SPECC1: variants seen among roughly 807,000 people sequenced by gnomAD.
The protein encoded by SPECC1 is cytospin-B.
SPECC1 carries 62 observed loss-of-function variants against 104.1 expected under a neutral mutation model. That is an observed-to-expected ratio of 0.60 (90% CI 0.49 to 0.74). The LOEUF (loss-of-function observed/expected upper bound fraction) is 0.74, where lower values mean the gene tolerates loss of function less well. SPECC1 is among the 30% of genes least tolerant of loss of function. The pLI is 0.00. For missense variants in SPECC1, 1,306 were observed against 1,310.5 expected (o/e 1.00, Z 0.05); for synonymous variants, 513 against 501.6 (o/e 1.02, Z -0.30).
At chr17:20,198,171 T>G (rs2036162616) in intron 3 of SPECC1, among the ~76,000 whole-genome samples, 1 of 152,212 alleles carries the variant, frequency 6.6e-6, no homozygotes, top group African/African-American at 2.4e-5. Context: ...CATTAGCCAC[T>G]CTGCTTAACA....
chr17:20,018,303 T>G (rs1309467495), intron 1 of SPECC1, among the ~76,000 whole-genome samples: 1 of 152,236 alleles, frequency 6.6e-6, no homozygotes, highest in Non-Finnish European at 1.5e-5. Flanking sequence ...TCGGCACTCT[T>G]GTTTTCCAGG....
At chr17:20,023,523 A>C (rs7218708) in intron 1 of SPECC1, among the ~76,000 whole-genome samples, 1 of 151,848 alleles carries the variant, frequency 6.6e-6, no homozygotes, top group Non-Finnish European at 1.5e-5. Context: ...ACAATTGGGC[A>C]GCAGGGGTTG....
chr17:20,105,760 T>G (rs910741160), intron 2 of SPECC1, among the ~76,000 whole-genome samples: 6 of 152,202 alleles, frequency 3.9e-5, no homozygotes, highest in Non-Finnish European at 7.3e-5. Context: ...TGCGCACTGC[T>G]GTCTTGTGTT....
intron 9 of SPECC1, among the ~76,000 whole-genome samples, chr17:20,248,484 A>C (rs2039506770): frequency 6.6e-6 from 1 of 152,226 alleles, no homozygotes; most frequent in Non-Finnish European, 1.5e-5. Flanking sequence ...CAGCATGTCG[A>C]AAAACTTGAT....
intron 5 of SPECC1, among the ~76,000 whole-genome samples, chr17:20,228,717 G>A (rs756028801): frequency 6.6e-6 from 1 of 152,214 alleles, no homozygotes; most frequent in Non-Finnish European, 1.5e-5. Flanking sequence ...AGTTGCTGAA[G>A]AGACATCAGC....
In SPECC1 at chr17:20,288,045, C is replaced by T. The variant is rs947872423; in HGVS notation, c.2941-8916C>T. On this transcript the variant is annotated intron_variant, in intron 12 of 14. Coordinates refer to ENST00000395527, the MANE Select transcript of SPECC1 (RefSeq NM_001243439.2). ...CCTTCCACTTATAAATGAGAACATA[C>T]TTTGTTTGGTTTTCTGTTTCTGTAC... 4.0e-5 allele frequency among the ~76,000 whole-genome samples: 6 copies of T among 150,314 alleles called. No individual in the cohort carries two copies. The Admixed American group carries it at 4.0e-4, about 10-fold the overall frequency.
At chr17:20,231,501 G>T (rs2038578166) in intron 5 of SPECC1, among the ~76,000 whole-genome samples, 1 of 152,166 alleles carries the variant, frequency 6.6e-6, no homozygotes, top group Non-Finnish European at 1.5e-5. Flanking sequence ...TGTGCATTCT[G>T]TCTGCTGAGA....
chr17:20,280,051 G>A (rs2040713663), intron 12 of SPECC1, among the ~76,000 whole-genome samples: 1 of 152,158 alleles, frequency 6.6e-6, no homozygotes, highest in African/African-American at 2.4e-5. Context: ...GGGCAATTTG[G>A]CAGAATCCAT....
At chr17:20,021,767 A>C (rs1219569441) in intron 1 of SPECC1, among the ~76,000 whole-genome samples, 1 of 146,166 alleles carries the variant, frequency 6.8e-6, no homozygotes, top group Non-Finnish European at 1.5e-5. Flanking sequence ...TGATCTCTTG[A>C]CCTCATGATC....
At chr17:20,146,360 G>A (rs577893584) in intron 3 of SPECC1, among the ~76,000 whole-genome samples, 1 of 152,292 alleles carries the variant, frequency 6.6e-6, no homozygotes, top group South Asian at 2.1e-4. Flanking sequence ...TGCATTTAAG[G>A]TTCCTCCATG....
intron 3 of SPECC1, among the ~76,000 whole-genome samples, chr17:20,131,261 G>T (rs7223984): frequency 6.6e-6 from 1 of 151,850 alleles, no homozygotes; most frequent in South Asian, 2.1e-4. Flanking sequence ...GCATGATCTC[G>T]GCTCACTGCA....
intron 12 of SPECC1, among the ~76,000 whole-genome samples, chr17:20,292,370 A>C: frequency 6.6e-6 from 1 of 151,106 alleles, no homozygotes; most frequent in Non-Finnish European, 1.5e-5. Context: ...TAATCTCTGC[A>C]CCCCAGCTGG....
At chr17:20,198,262 C>T (rs1379630724) in intron 3 of SPECC1, among the ~76,000 whole-genome samples, 1 of 152,118 alleles carries the variant, frequency 6.6e-6, no homozygotes, top group East Asian at 1.9e-4. Flanking sequence ...CTTACGTGGC[C>T]TCTGGGCAAG....
chr17:20,141,455 T>G (rs1485565738), intron 3 of SPECC1, among the ~76,000 whole-genome samples: 1 of 152,206 alleles, frequency 6.6e-6, no homozygotes, highest in East Asian at 1.9e-4. Flanking sequence ...GCTAACTGAT[T>G]CAGAGCGAGG....
intron 6 of SPECC1, 127 bp downstream of exon 6, chr17:20,231,958 A>T (rs2038609202): frequency 9.5e-7 from 1 of 1,048,668 alleles, no homozygotes; most frequent in East Asian, 2.4e-5. Context: ...TGGAACTGTA[A>T]ATTCTTGTTG....
At chr17:20,085,149 G>T (rs1431087814) in intron 1 of SPECC1, among the ~76,000 whole-genome samples, 1 of 152,226 alleles carries the variant, frequency 6.6e-6, no homozygotes, top group African/African-American at 2.4e-5. Context: ...CATTTGCTGT[G>T]CCTGGGGTCA....
intron 2 of SPECC1, among the ~76,000 whole-genome samples, chr17:20,103,752 C>T (rs528964736): frequency 4.6e-5 from 7 of 152,296 alleles, no homozygotes; most frequent in African/African-American, 1.4e-4. Context: ...CCGCATCCCC[C>T]GTCCACTTCC....
At chr17:20,093,528 G>A (rs958658422) in intron 1 of SPECC1, among the ~76,000 whole-genome samples, 17 of 152,220 alleles carry the variant, frequency 1.1e-4, no homozygotes, top group African/African-American at 3.6e-4. Context: ...TTATGTAAAT[G>A]AACTGGCTTC....
At chr17:20,277,524 G>A (rs905432714) in intron 12 of SPECC1, among the ~76,000 whole-genome samples, 5 of 152,040 alleles carry the variant, frequency 3.3e-5, no homozygotes, top group African/African-American at 1.2e-4. Context: ...TGTCCCTTTA[G>A]CCTTATAGTT....
Sources: allele counts gnomAD v4.1 joint callset (sites outside exome capture counted in the v4.1 genomes callset), GRCh38; gene constraint gnomAD v4.1.1; transcripts MANE v1.5; gene names NCBI Gene and HGNC (gene_info 2026-07-23, HGNC 2026-07-21).